The following PSMA8 variants were observed in gnomAD, a reference collection of about 807,000 sequenced individuals.
PSMA8 encodes proteasome subunit alpha-type 8.
PSMA8 carries 18 observed loss-of-function variants against 32.4 expected under a neutral mutation model. That is an observed-to-expected ratio of 0.56 (90% CI 0.38 to 0.82). The LOEUF (loss-of-function observed/expected upper bound fraction) is 0.82, where lower values mean the gene tolerates loss of function less well. PSMA8 is among the 40% of genes least tolerant of loss of function. The probability of loss-of-function intolerance (pLI) is 0.00; values close to 1 mark genes in which losing one functional copy is unlikely to be tolerated. For synonymous variants in PSMA8, 104 were observed against 98.1 expected, an observed-to-expected ratio of 1.06 and a Z score of -0.36; for missense variants, 298 against 300.7, an observed-to-expected ratio of 0.99 and a Z score of 0.07.
chr18:26,142,641 A>C (rs761886689), intron 1 of PSMA8, among the ~76,000 whole-genome samples: 1 of 152,200 alleles, frequency 6.6e-6, no homozygotes, highest in Non-Finnish European at 1.5e-5. Flanking sequence ...AGGGCACTTT[A>C]TAAACAACAG....
At position 26,184,829 on chromosome 18, in the gene PSMA8, G is replaced by A. The variant is rs983854843; in HGVS notation, c.660+5699G>A. On this transcript the variant is annotated intron_variant, in intron 6 of 6. Coordinates refer to ENST00000415576, the MANE Select transcript of PSMA8 (RefSeq NM_001025096.2). Reference sequence around the variant, plus strand: ...CAGCCGGGCACAGTGGCTCATGCATGTAATCCCAGTACTTTGGGAGGCCAA... The same window carrying A: ...CAGCCGGGCACAGTGGCTCATGCATATAATCCCAGTACTTTGGGAGGCCAA... 2.0e-5 allele frequency among the ~76,000 whole-genome samples: 3 copies of A among 147,702 alleles called. 1 individual carries two copies. The highest frequency in any genetic ancestry group is 4.1e-4 in the East Asian group (2 of 4,906).
intron 6 of PSMA8, among the ~76,000 whole-genome samples, chr18:26,186,478 A>G (rs2055355832): frequency 6.6e-6 from 1 of 152,118 alleles, no homozygotes; most frequent in Non-Finnish European, 1.5e-5. Flanking sequence ...AACCTTTATT[A>G]TTTGATGCCT....
At chr18:26,135,954 A>C (rs1480841038) in intron 1 of PSMA8, among the ~76,000 whole-genome samples, 1 of 152,214 alleles carries the variant, frequency 6.6e-6, no homozygotes, top group African/African-American at 2.4e-5. Context: ...GACCTTTTAC[A>C]TAGGGTAAAG....
intron 4 of PSMA8, among the ~76,000 whole-genome samples, chr18:26,166,736 A>C (rs1392949337): frequency 6.6e-6 from 1 of 152,230 alleles, no homozygotes; most frequent in Admixed American, 6.5e-5. Context: ...GAGATTTGGC[A>C]GGACATATTC....
chr18:26,150,814 AG>A (rs1203451013), intron 2 of PSMA8, among the ~76,000 whole-genome samples: 2 of 152,136 alleles, frequency 1.3e-5, no homozygotes, highest in Non-Finnish European at 2.9e-5. Flanking sequence ...TACATTGTAA[AG>A]GGGAAATACA....
chr18:26,149,426 T>G (rs2055028148), intron 2 of PSMA8, among the ~76,000 whole-genome samples: 1 of 151,550 alleles, frequency 6.6e-6, no homozygotes. Context: ...ATTTCAATGA[T>G]TTTTTTAAAT....
At chr18:26,142,998 C>T (rs897495204) in intron 1 of PSMA8, among the ~76,000 whole-genome samples, 1 of 152,172 alleles carries the variant, frequency 6.6e-6, no homozygotes, top group African/African-American at 2.4e-5. Context: ...AGAATTTTAT[C>T]TATTTAACTT....
intron 1 of PSMA8, among the ~76,000 whole-genome samples, chr18:26,139,373 G>A (rs2054936339): frequency 6.6e-6 from 1 of 152,166 alleles, no homozygotes; most frequent in Admixed American, 6.5e-5. Context: ...CTTGGAAATG[G>A]ATCCTTCCCC....
chr18:26,188,353 A>AG (rs1361470508), intron 6 of PSMA8, among the ~76,000 whole-genome samples: 1 of 151,724 alleles, frequency 6.6e-6, no homozygotes, highest in Admixed American at 6.6e-5. Flanking sequence ...AAAAAAAAAA[A>AG]ATAGAAAGGT....
chr18:26,160,208 T>A (rs976587602), intron 4 of PSMA8, among the ~76,000 whole-genome samples: 1 of 152,166 alleles, frequency 6.6e-6, no homozygotes, highest in Non-Finnish European at 1.5e-5. Context: ...TGGAAGCTAA[T>A]GTGGAAGGAT....
At chr18:26,191,190 C>G (rs540628859) in intron 6 of PSMA8, among the ~76,000 whole-genome samples, 58 of 152,240 alleles carry the variant, frequency 3.8e-4, no homozygotes, top group African/African-American at 1.4e-3. Context: ...TAGCTAAAAT[C>G]CTTTACATCT....
At chr18:26,191,642 A>G (rs2055403866) in intron 6 of PSMA8, among the ~76,000 whole-genome samples, 1 of 152,058 alleles carries the variant, frequency 6.6e-6, no homozygotes, top group African/African-American at 2.4e-5. Flanking sequence ...CCTGTCTGAA[A>G]AAAAAAGAAA....
Position 26,187,688 on chromosome 18 carries a change from AG to A in PSMA8, c.661-4629del, listed in dbSNP as rs370486057. Among the ~76,000 whole-genome samples, 353 of 152,330 alleles carry A rather than the reference AG, an allele frequency of 2.3e-3. 2 individuals carry two copies. The highest frequency in any genetic ancestry group is 8.3e-3 in the African/African-American group (344 of 41,574). On this transcript the variant is annotated intron_variant, in intron 6 of 6. Transcript: ENST00000415576. ...CAAAAACTATAAGAAGAGACAAAAA[AG>A]GTCACTATATAATGATAAAGGGGTC...
chr18:26,183,530 C>T (rs2055329641), intron 6 of PSMA8, among the ~76,000 whole-genome samples: 1 of 150,698 alleles, frequency 6.6e-6, no homozygotes, highest in Admixed American at 6.6e-5. Flanking sequence ...GTACAAATAG[C>T]AAGAGAACTA....
intron 3 of PSMA8, among the ~76,000 whole-genome samples, chr18:26,154,895 G>GTGA (rs2055075878): frequency 1.3e-5 from 2 of 151,960 alleles, no homozygotes; most frequent in Admixed American, 1.3e-4. Context: ...GATTACAGGC[G>GTGA]TGAGCCACCA....
chr18:26,180,216 G>T (rs929331265), intron 6 of PSMA8, among the ~76,000 whole-genome samples: 1 of 152,192 alleles, frequency 6.6e-6, no homozygotes, highest in African/African-American at 2.4e-5. Flanking sequence ...TTATGCCAGT[G>T]ATCTGGGCAA....
intron 6 of PSMA8, among the ~76,000 whole-genome samples, chr18:26,179,524 C>A (rs942398651): frequency 1.3e-5 from 2 of 152,110 alleles, no homozygotes; most frequent in African/African-American, 4.8e-5. Flanking sequence ...GCACGATAAC[C>A]TTTCCATATT....
At chr18:26,150,030 T>C (rs1464692150) in intron 2 of PSMA8, among the ~76,000 whole-genome samples, 1 of 152,118 alleles carries the variant, frequency 6.6e-6, no homozygotes, top group Non-Finnish European at 1.5e-5. Flanking sequence ...AATTGGAAAA[T>C]CCAAAATGTT....
intron 4 of PSMA8, among the ~76,000 whole-genome samples, chr18:26,174,524 C>G (rs913280889): frequency 2.6e-5 from 4 of 152,108 alleles, no homozygotes; most frequent in African/African-American, 9.7e-5. Flanking sequence ...AAACTGGCAT[C>G]TAATATGCTG....
Sources: gnomAD v4.1 joint callset for allele counts (sites outside exome capture counted in the v4.1 genomes callset) on GRCh38, gnomAD v4.1.1 for gene constraint, MANE v1.5 for transcripts, NCBI Gene and HGNC (gene_info 2026-07-23, HGNC 2026-07-21) for gene names.